Variants in RBMS1 observed in about 807,000 individuals in gnomAD.
RBMS1 encodes RNA binding motif single stranded interacting protein 1.
A neutral mutation model predicts 62.3 loss-of-function variants in RBMS1; 17 were observed. The observed-to-expected ratio is 0.27, with a 90% confidence interval of 0.19 to 0.41. The LOEUF is 0.41. Among genes scored for constraint, RBMS1 ranks in the 10% least tolerant of loss-of-function variants. The pLI is 1.00. For synonymous variants in RBMS1, 172 were observed against 170.0 expected, an observed-to-expected ratio of 1.01 and a Z score of -0.09; for missense variants, 334 against 504.5, an observed-to-expected ratio of 0.66 and a Z score of 3.24.
At chr2:160,426,204 AAGAG>A (rs540982341) in intron 1 of RBMS1, among the ~76,000 whole-genome samples, 1 of 148,036 alleles carries the variant, frequency 6.8e-6, no homozygotes, top group African/African-American at 2.5e-5. Context: ...GAAAGGAAGA[AAGAG>A]AGAGAGACAG....
intron 1 of RBMS1, among the ~76,000 whole-genome samples, chr2:160,471,305 T>G (rs1684901510): frequency 6.6e-6 from 1 of 152,188 alleles, no homozygotes; most frequent in African/African-American, 2.4e-5. Context: ...GAGGTTGTAA[T>G]GATTGCCCTT....
intron 1 of RBMS1, among the ~76,000 whole-genome samples, chr2:160,457,030 G>A (rs947122464): frequency 6.6e-6 from 1 of 151,890 alleles, no homozygotes; most frequent in African/African-American, 2.4e-5. Context: ...CTTATTAGAG[G>A]CTGAAAAGAT....
chr2:160,277,543 T>C (rs1687901907), intron 11 of RBMS1, 160 bp from the exon 12 acceptor site: 1 of 448,790 alleles, frequency 2.2e-6, no homozygotes, highest in Middle Eastern at 3.9e-4. Flanking sequence ...AAATATGTCA[T>C]ATGGAAGGTA....
chr2:160,334,415 G>A (rs1193550575), intron 2 of RBMS1, among the ~76,000 whole-genome samples: 1 of 152,106 alleles, frequency 6.6e-6, no homozygotes, highest in Admixed American at 6.6e-5. Flanking sequence ...CCAAGCCTGC[G>A]GCAACCTGGC....
chr2:160,369,771 T>A (rs184135514), intron 1 of RBMS1, among the ~76,000 whole-genome samples: 1 of 152,322 alleles, frequency 6.6e-6, no homozygotes, highest in East Asian at 1.9e-4. Context: ...AAAGACTGCA[T>A]TCCAAGACTG....
rs531566494 is a variant in RBMS1, at chr2:160,350,803, G to A, written c.251+16413C>T. ...AGTCTTTGCTATTGTGAATAGTGCT[G>A]CAATAAACAAACGTGTGCATGTGTC... is the stretch of plus-strand genomic sequence containing the variant. On this transcript the variant is annotated intron_variant, in intron 2 of 13. Transcript: ENST00000348849. Among the ~76,000 whole-genome samples the A allele has an allele frequency of 7.0e-4, 107 of 152,202 alleles. 1 individual carries two copies. The highest frequency in any genetic ancestry group is 3.1e-3 in the Admixed American group (47 of 15,272).
At chr2:160,420,197 A>G (rs1696367090) in intron 1 of RBMS1, among the ~76,000 whole-genome samples, 1 of 152,216 alleles carries the variant, frequency 6.6e-6, no homozygotes, top group South Asian at 2.1e-4. Context: ...TCTGAACAGC[A>G]CTTGTAAAGC....
chr2:160,436,289 A>T (rs1403097499), intron 1 of RBMS1, among the ~76,000 whole-genome samples: 1 of 152,230 alleles, frequency 6.6e-6, no homozygotes, highest in Non-Finnish European at 1.5e-5. Flanking sequence ...CCACCATGTA[A>T]AAAGTCCAAG....
At chr2:160,356,165 T>C (rs1047713385) in intron 2 of RBMS1, among the ~76,000 whole-genome samples, 4 of 152,138 alleles carry the variant, frequency 2.6e-5, no homozygotes, top group African/African-American at 4.8e-5. Flanking sequence ...ACCTTCTCTA[T>C]GCTGTGTAAT....
intron 1 of RBMS1, among the ~76,000 whole-genome samples, chr2:160,386,597 C>A (rs1469667732): frequency 6.6e-6 from 1 of 151,798 alleles, no homozygotes; most frequent in Non-Finnish European, 1.5e-5. Context: ...AAAGATGGAG[C>A]CCTCATGAAT....
At chr2:160,323,476 TA>T (rs1051124416) in intron 2 of RBMS1, among the ~76,000 whole-genome samples, 9 of 148,870 alleles carry the variant, frequency 6.0e-5, no homozygotes, top group South Asian at 2.1e-4. Context: ...ACCCCCTGTT[TA>T]AAAAAAAAAT....
chr2:160,373,915 C>G (rs1384132191), intron 1 of RBMS1, among the ~76,000 whole-genome samples: 1 of 151,946 alleles, frequency 6.6e-6, no homozygotes, highest in African/African-American at 2.4e-5. Context: ...AGACAGGGGA[C>G]AAAAAGGTTG....
intron 1 of RBMS1, among the ~76,000 whole-genome samples, chr2:160,368,929 C>T (rs1197690110): frequency 3.9e-5 from 6 of 152,260 alleles, no homozygotes; most frequent in Admixed American, 2.0e-4. Context: ...CATGAGCCAT[C>T]GTGCCTGGCC....
chr2:160,351,434 G>C (rs550320955), intron 2 of RBMS1, among the ~76,000 whole-genome samples: 2 of 152,128 alleles, frequency 1.3e-5, no homozygotes, highest in South Asian at 2.1e-4. Flanking sequence ...GCAAAATACA[G>C]GTAATACAAA....
chr2:160,323,795 T>TATA (rs1690730648), intron 2 of RBMS1, among the ~76,000 whole-genome samples: 1 of 152,238 alleles, frequency 6.6e-6, no homozygotes, highest in Non-Finnish European at 1.5e-5. Context: ...GACATGACTA[T>TATA]ATAATAATAT....
intron 6 of RBMS1, among the ~76,000 whole-genome samples, chr2:160,289,618 C>A (rs1688578132): frequency 6.6e-6 from 1 of 152,156 alleles, no homozygotes; most frequent in African/African-American, 2.4e-5. Flanking sequence ...CCTTGCCTCC[C>A]TGGGGCTTGC....
At chr2:160,435,122 A>AACT (rs1049171297) in intron 1 of RBMS1, among the ~76,000 whole-genome samples, 3 of 152,242 alleles carry the variant, frequency 2.0e-5, no homozygotes, top group African/African-American at 7.2e-5. Context: ...AGATCTTGCT[A>AACT]ACTTTCTATG....
Position 160,408,022 on chromosome 2 carries a change from C to T in RBMS1, c.76-40631G>A, listed in dbSNP as rs1041874302. 1.1e-4 allele frequency: 75 copies of T among 698,966 alleles called. No individual in the cohort carries two copies. In the African/African-American group the frequency reaches 1.3e-3, roughly 12 times the overall value. 43.3% of individuals were successfully genotyped at this position (698,966 alleles called of 1,614,324 possible). ...GGCGCCTGCCGCCCCATCGCCCGCC[C>T]GGCCCCCGCGCTCTCCCTCCCGGGA... On this transcript the variant is annotated intron_variant, in intron 1 of 13. Transcript: ENST00000348849.
At chr2:160,310,155 C>T (rs1689769048) in intron 4 of RBMS1, among the ~76,000 whole-genome samples, 1 of 152,176 alleles carries the variant, frequency 6.6e-6, no homozygotes, top group Non-Finnish European at 1.5e-5. Flanking sequence ...TAAAATGTAA[C>T]TATTTTATTT....
Sources: gnomAD v4.1 joint callset for allele counts (sites outside exome capture counted in the v4.1 genomes callset) on GRCh38, gnomAD v4.1.1 for gene constraint, MANE v1.5 for transcripts, NCBI Gene and HGNC (gene_info 2026-07-23, HGNC 2026-07-21) for gene names.